Variants in ADAMTSL1 observed in about 807,000 individuals in gnomAD.
The protein encoded by ADAMTSL1 is ADAMTS like 1.
In ADAMTSL1, 126 loss-of-function variants were observed where a neutral mutation model predicts 201.8. That is an observed-to-expected ratio of 0.62 (90% CI 0.54 to 0.72). The LOEUF (loss-of-function observed/expected upper bound fraction) is 0.72. Ranked by LOEUF, ADAMTSL1 falls within the 30% of genes least tolerant of loss-of-function variation. The pLI is 0.00. For missense variants in ADAMTSL1, 2,679 were observed against 2,277.8 expected (o/e 1.18, Z -3.59); for synonymous variants, 1,121 against 903.4 (o/e 1.24, Z -4.32).
At position 18,908,759 on chromosome 9, in the gene ADAMTSL1, G is replaced by A. The variant is rs1316121938; in HGVS notation, c.*211G>A. ...AGCTGGAGGACAGGATGTTGGGAAAGGAAAGGACAGATGTCTAAAGGAGGT... is the reference window on the plus strand; with the variant it reads ...AGCTGGAGGACAGGATGTTGGGAAAAGAAAGGACAGATGTCTAAAGGAGGT... On this transcript the variant is annotated 3_prime_UTR_variant, in exon 29 of 29. Transcript: ENST00000380548. The A allele has an allele frequency of 5.8e-6, 3 of 513,926 alleles. No individual in the cohort carries two copies. The highest frequency in any genetic ancestry group is 1.1e-5 in the Non-Finnish European group (3 of 285,184). The allele number at this position is 513,926 out of a possible 1,614,324, so 31.8% of individuals were successfully genotyped here. A position where few individuals can be genotyped will look rare whatever the true frequency, so the allele number is the denominator to read the frequency against.
intron 9 of ADAMTSL1, among the ~76,000 whole-genome samples, chr9:18,671,651 C>G (rs149142747): frequency 6.6e-6 from 1 of 152,102 alleles, no homozygotes; most frequent in African/African-American, 2.4e-5. Flanking sequence ...AAATCAGAAA[C>G]GAAGATTTGC....
intron 7 of ADAMTSL1, among the ~76,000 whole-genome samples, chr9:18,654,170 A>G (rs1359975986): frequency 6.6e-6 from 1 of 152,380 alleles, no homozygotes; most frequent in East Asian, 1.9e-4. Context: ...CAGAGGTTGC[A>G]GTGAGCTGAG....
intron 16 of ADAMTSL1, among the ~76,000 whole-genome samples, chr9:18,762,699 T>C (rs562133915): frequency 4.6e-5 from 7 of 150,552 alleles, no homozygotes; most frequent in Admixed American, 1.3e-4. Context: ...TCTATGTCCA[T>C]GAGTTCAATT....
At chr9:18,255,937 A>T (rs893143429) in intron 2 of ADAMTSL1, among the ~76,000 whole-genome samples, 1 of 152,210 alleles carries the variant, frequency 6.6e-6, no homozygotes, top group Admixed American at 6.5e-5. Context: ...CTTGTTTCTC[A>T]TATGCAACTG....
intron 23 of ADAMTSL1, among the ~76,000 whole-genome samples, chr9:18,832,008 A>G (rs750875955): frequency 2.0e-5 from 3 of 152,238 alleles, no homozygotes; most frequent in Admixed American, 1.3e-4. Context: ...ATGAGCCCCA[A>G]GATGAAAAAT....
chr9:18,115,991 C>T (rs1205082336), intron 1 of ADAMTSL1, among the ~76,000 whole-genome samples: 2 of 152,038 alleles, frequency 1.3e-5, no homozygotes, highest in Non-Finnish European at 2.9e-5. Context: ...TAAGTTGTGC[C>T]TTATAAAACT....
chr9:18,224,889 C>T (rs868047793), intron 2 of ADAMTSL1, among the ~76,000 whole-genome samples: 2 of 152,034 alleles, frequency 1.3e-5, no homozygotes, highest in Non-Finnish European at 2.9e-5. Flanking sequence ...TTTGGTGTTC[C>T]GTAATTTATT....
At chr9:18,522,667 A>G (rs1204111164) in intron 2 of ADAMTSL1, among the ~76,000 whole-genome samples, 19 of 132,456 alleles carry the variant, frequency 1.4e-4, no homozygotes, top group African/African-American at 5.6e-4. Context: ...TTCAATTCCC[A>G]CCTATGAGTG....
rs563556108 is a variant in ADAMTSL1, at chr9:18,064,107, C to G, written c.88-99755C>G. On this transcript the variant is annotated intron_variant, in intron 1 of 29. Transcript: ENST00000680146. ...CCTACTGTTGCTCCATATGGAAACC[C>G]ACTTTCTAAGCAAGCAAATTGTAGA... is the stretch of plus-strand genomic sequence containing the variant. 1.8e-4 allele frequency among the ~76,000 whole-genome samples: 28 copies of G among 152,252 alleles called. No individual in the cohort carries two copies. In the South Asian group the frequency reaches 5.8e-3, roughly 32 times the overall value.
chr9:18,216,288 A>G (rs1830052400), intron 2 of ADAMTSL1, among the ~76,000 whole-genome samples: 3 of 152,216 alleles, frequency 2.0e-5, no homozygotes, highest in Admixed American at 1.3e-4. Context: ...TTTGCCTTTA[A>G]TCTGAGATTG....
intron 26 of ADAMTSL1, among the ~76,000 whole-genome samples, chr9:18,903,775 T>C (rs1237501472): frequency 2.6e-5 from 4 of 151,586 alleles, no homozygotes; most frequent in African/African-American, 9.7e-5. Context: ...AGTCCTGCAG[T>C]CAATCTCACA....
intron 4 of ADAMTSL1, among the ~76,000 whole-genome samples, chr9:18,619,135 G>C (rs1218262778): frequency 4.6e-5 from 7 of 151,978 alleles, no homozygotes; most frequent in Non-Finnish European, 8.8e-5. Flanking sequence ...TGTGCACAGA[G>C]GGCCAATTAA....
At chr9:18,004,372 C>A (rs1819731643) in intron 1 of ADAMTSL1, among the ~76,000 whole-genome samples, 1 of 151,994 alleles carries the variant, frequency 6.6e-6, no homozygotes, top group Admixed American at 6.6e-5. Flanking sequence ...AGATTCAGAG[C>A]TCCTTCTGCA....
At chr9:18,736,539 C>G (rs539571958) in intron 15 of ADAMTSL1, among the ~76,000 whole-genome samples, 4 of 152,082 alleles carry the variant, frequency 2.6e-5, no homozygotes, top group African/African-American at 9.7e-5. Context: ...CTCCCTTGAT[C>G]TAGAAAAGAA....
chr9:18,280,717 G>C (rs2132626359), intron 2 of ADAMTSL1, among the ~76,000 whole-genome samples: 1 of 152,222 alleles, frequency 6.6e-6, no homozygotes, highest in South Asian at 2.1e-4. Flanking sequence ...TAGTTACGTA[G>C]AAATATAAGT....
At chr9:18,812,100 C>A (rs2131153778) in intron 20 of ADAMTSL1, among the ~76,000 whole-genome samples, 1 of 152,128 alleles carries the variant, frequency 6.6e-6, no homozygotes, top group South Asian at 2.1e-4. Flanking sequence ...GAAGATTATT[C>A]TAAAATGTAT....
rs532338172 is a variant in ADAMTSL1, at chr9:17,976,775, A to G, written c.87+69853A>G. Among the ~76,000 whole-genome samples the G allele has an allele frequency of 2.5e-3, 351 of 140,160 alleles. 1 individual carries two copies. The highest frequency in any genetic ancestry group is 3.7e-3 in the Non-Finnish European group (246 of 66,424). The allele number at this position is 140,160 out of a possible 152,430, so 92.0% of individuals were successfully genotyped here. A position where few individuals can be genotyped will look rare whatever the true frequency, so the allele number is the denominator to read the frequency against. The stretch of plus-strand genomic sequence containing the variant: ...TCCATCCATCCATCATCAATCATCT[A>G]CAAACAGATATAAATTTACTTATTT... On this transcript the variant is annotated intron_variant, in intron 1 of 29. Transcript: ENST00000680146.
At chr9:18,086,730 G>A (rs1016867279) in intron 1 of ADAMTSL1, among the ~76,000 whole-genome samples, 3 of 152,164 alleles carry the variant, frequency 2.0e-5, no homozygotes, top group Non-Finnish European at 4.4e-5. Flanking sequence ...GTACAACAAG[G>A]ATGGTTATAA....
chr9:18,632,373 A>C (rs1250797693), intron 5 of ADAMTSL1, among the ~76,000 whole-genome samples: 2 of 152,234 alleles, frequency 1.3e-5, no homozygotes, highest in African/African-American at 4.8e-5. Context: ...TCCTTAAAGT[A>C]TGTCCTAAGA....
Sources: allele counts gnomAD v4.1 joint callset (sites outside exome capture counted in the v4.1 genomes callset), GRCh38; gene constraint gnomAD v4.1.1; transcripts MANE v1.5; gene names NCBI Gene and HGNC (gene_info 2026-07-23, HGNC 2026-07-21).